The following COL20A1 variants were observed in gnomAD, a reference collection of about 807,000 sequenced individuals.
COL20A1 encodes collagen alpha-1(XX) chain.
In COL20A1, 164 loss-of-function variants were observed where a neutral mutation model predicts 152.9. The ratio of observed to expected loss-of-function variants is 1.07; its 90% CI spans 0.94 to 1.22. The LOEUF is 1.22. COL20A1 is among the 50% of genes most tolerant of loss of function. The pLI is 0.00. For synonymous variants in COL20A1, 864 were observed against 756.0 expected (o/e 1.14, Z -2.34); for missense variants, 1,873 against 1,744.8 (o/e 1.07, Z -1.31).
rs2068126107 is a variant in COL20A1 at position 63,319,287 on chromosome 20, C to T, written c.2806+87C>T. On this transcript the variant is annotated intron_variant, in intron 22 of 35. Coordinates refer to ENST00000358894, the MANE Select transcript of COL20A1 (RefSeq NM_020882.4). The surrounding 1 kb of genome is among the most constrained non-coding windows in gnomAD (Gnocchi z 4.4). Reference sequence around the variant, plus strand: ...GCCCTGGGAGGCCTTCAGAGGAAGTCCAGCCTCCAGGCCAGGCCCTCAGCA... The same window carrying T: ...GCCCTGGGAGGCCTTCAGAGGAAGTTCAGCCTCCAGGCCAGGCCCTCAGCA... The T allele has an allele frequency of 1.3e-5, 18 of 1,410,118 alleles. No individual in the cohort carries two copies. Among genetic ancestry groups the T allele is most frequent in the Non-Finnish European group, 1.6e-5 (17 of 1,037,172 alleles). 87.4% of individuals were successfully genotyped at this position (1,410,118 alleles called of 1,614,324 possible). A position where few individuals can be genotyped will look rare whatever the true frequency, so the allele number is the denominator to read the frequency against.
chr20:63,327,026 G>A (rs999342173), intron 31 of COL20A1, among the ~76,000 whole-genome samples: 14 of 151,986 alleles, frequency 9.2e-5, no homozygotes, highest in Admixed American at 6.5e-4. Flanking sequence ...GACCCCCCTA[G>A]GGACTTCCTG....
At chr20:63,302,226 C>T (rs956346891) in intron 3 of COL20A1, among the ~76,000 whole-genome samples, 1 of 152,124 alleles carries the variant, frequency 6.6e-6, no homozygotes, top group Non-Finnish European at 1.5e-5. Flanking sequence ...CAATCATAAC[C>T]CCAATACCAT....
intron 27 of COL20A1, among the ~76,000 whole-genome samples, chr20:63,323,358 C>T (rs889788365): frequency 1.3e-5 from 2 of 152,216 alleles, no homozygotes; most frequent in Non-Finnish European, 2.9e-5. Context: ...ATAACTTTTA[C>T]GTAGTCCATG....
In COL20A1 at chr20:63,308,406, C is replaced by G. The variant is rs569799087; in HGVS notation, c.776-136C>G. 4.4e-6 allele frequency: 4 copies of G among 903,638 alleles called. No homozygotes were observed. In the South Asian group the frequency reaches 5.3e-5, roughly 12 times the overall value. 56.0% of individuals were successfully genotyped at this position (903,638 alleles called of 1,614,324 possible). On this transcript the variant is annotated intron_variant, in intron 7 of 35. Coordinates refer to ENST00000358894, the MANE Select transcript of COL20A1 (RefSeq NM_020882.4). The stretch of plus-strand genomic sequence containing the variant: ...CTTCAACAGGTAGACCCTCCCTGCT[C>G]CCTTGGGCTGCTGCGGGGCCTCCTG...
intron 10 of COL20A1, 142 bp downstream of exon 10, chr20:63,310,057 G>T: frequency 1.2e-6 from 1 of 833,650 alleles, no homozygotes; most frequent in Non-Finnish European, 1.8e-6. Flanking sequence ...TGACAGCCCA[G>T]GGACTCACTG....
chr20:63,309,922 G>A lies in COL20A1; in HGVS notation c.1263+7G>A, dbSNP rs1246519282. The A allele has an allele frequency of 2.5e-6, 4 of 1,592,272 alleles. No homozygotes were observed. The African/African-American group carries it at 4.0e-5, about 16-fold the overall frequency. ...AGGTGGCACCCCCAGGGAGGTGAGGGGGCCGGTATACAGGGCTCCCCGAGC... is the reference window on the plus strand; with the variant it reads ...AGGTGGCACCCCCAGGGAGGTGAGGAGGCCGGTATACAGGGCTCCCCGAGC... On this transcript the variant is annotated splice_region_variant and intron_variant, in intron 10 of 35. Transcript: ENST00000358894.
At position 63,313,965 on chromosome 20, in the gene COL20A1, G is replaced by C; in HGVS notation, c.2358+74G>C. The C allele has an allele frequency of 6.3e-7, 1 of 1,592,624 alleles. No individual in the cohort carries two copies. Among genetic ancestry groups the C allele is most frequent in the South Asian group, 1.1e-5 (1 of 86,992 alleles). ...GAAGGGGTATGGCCACACTGTCTGC[G>C]AAGGGTGGCAGCTCTGCCATGGCGG... On this transcript the variant is annotated intron_variant, in intron 18 of 35. Transcript: ENST00000358894. The surrounding 1 kb of genome is among the most constrained non-coding windows in gnomAD (Gnocchi z 5.9).
At chr20:63,323,999 T>G (rs1434002508) in intron 27 of COL20A1, among the ~76,000 whole-genome samples, 1 of 152,240 alleles carries the variant, frequency 6.6e-6, no homozygotes, top group African/African-American at 2.4e-5. Flanking sequence ...CCATCCTGCC[T>G]TTTGTTCACA....
chr20:63,323,665 C>G (rs62206860), intron 27 of COL20A1, among the ~76,000 whole-genome samples: 5,624 of 152,278 alleles, frequency 0.037, 127 homozygotes, highest in Middle Eastern at 0.088. Context: ...CCTAAGGCCC[C>G]TGTGTATTTT....
At position 63,313,201 on chromosome 20, in the gene COL20A1, T is replaced by G. The variant is rs759674393; in HGVS notation, c.2161T>G (p.Tyr721Asp). The change falls in exon 17 of 36, where the codon TAC becomes GAC. Residue 721 changes from tyrosine to aspartate, a missense_variant. Tyr to Asp is a radical substitution (Grantham distance 160). Transcript: ENST00000358894. This position sits in a 1 kb window ranked among gnomAD's most constrained non-coding sequence, Gnocchi z 5.9. ...TEYDVTILAYYRDGARSDPVS... is the reference protein window; with the variant it reads ...TEYDVTILAYDRDGARSDPVS... ...GTACGACGTCACCATCTTGGCCTAC[T>G]ACAGGGACGGGGCCCGCAGTGACCC... The G allele has an allele frequency of 8.7e-6, 14 of 1,612,558 alleles. No individual in the cohort carries two copies. Among genetic ancestry groups the G allele is most frequent in the Non-Finnish European group, 1.2e-5 (14 of 1,179,720 alleles).
At chr20:63,325,829 C>T in intron 29 of COL20A1, 108 bp downstream of exon 29, 1 of 1,018,718 alleles carries the variant, frequency 9.8e-7, no homozygotes, top group Non-Finnish European at 1.5e-6. Context: ...GGTGCTTTCT[C>T]CTGGGCTCCT....
chr20:63,324,814 C>G (rs562942400), intron 27 of COL20A1: 1 of 160,272 alleles, frequency 6.2e-6, no homozygotes, highest in South Asian at 1.6e-4. Flanking sequence ...TAAATAGCAG[C>G]AGTGTCCTCT....
intron 3 of COL20A1, among the ~76,000 whole-genome samples, chr20:63,299,912 A>G (rs1251660885): frequency 6.6e-6 from 1 of 151,354 alleles, no homozygotes; most frequent in African/African-American, 2.4e-5. Context: ...GTGTATATAT[A>G]TATGTATACC....
intron 3 of COL20A1, among the ~76,000 whole-genome samples, chr20:63,298,241 C>T (rs1002438542): frequency 1.3e-5 from 2 of 152,242 alleles, no homozygotes; most frequent in Non-Finnish European, 2.9e-5. Flanking sequence ...CACGCAGCCC[C>T]TGCAGAAGGC....
Position 63,310,529 on chromosome 20 carries a change from G to T in COL20A1, c.1393+19G>T, listed in dbSNP as rs368860976. ...ACCACAGGTAGGTGGGGCAGAGGCA[G>T]CGGCCAGGTTCTGGGTGGGAGGCCC... On this transcript the variant is annotated intron_variant, in intron 11 of 35. Transcript: ENST00000358894. 7 of 1,569,892 alleles carry T rather than the reference G, an allele frequency of 4.5e-6. No homozygotes were observed. In the Admixed American group the frequency reaches 5.5e-5, roughly 12 times the overall value.
At chr20:63,325,004 G>T in intron 27 of COL20A1, 1 of 304,264 alleles carries the variant, frequency 3.3e-6, no homozygotes, top group Non-Finnish European at 6.4e-6. Flanking sequence ...GGAGGGCTGG[G>T]GGTGAGGTTG....
Position 63,311,609 on chromosome 20 carries a change from C to T in COL20A1, c.1540-16C>T, listed in dbSNP as rs374877246. 8 of 1,610,296 alleles carry T rather than the reference C, an allele frequency of 5.0e-6. No individual in the cohort carries two copies. The highest frequency in any genetic ancestry group is 4.5e-5 in the East Asian group (2 of 44,842). ...AGAGCGAGTGGGGGCTGGCCTGGGA[C>T]GTCATGTCTCTGCAGGTGCAGGTCG... On this transcript the variant is annotated splice_polypyrimidine_tract_variant and intron_variant, in intron 12 of 35. Transcript: ENST00000358894. This position sits in a 1 kb window ranked among gnomAD's most constrained non-coding sequence, Gnocchi z 4.4.
chr20:63,295,262 G>A, intron 2 of COL20A1, 73 bp downstream of exon 2: 3 of 980,270 alleles, frequency 3.1e-6, no homozygotes, highest in Non-Finnish European at 1.6e-6. Flanking sequence ...CGCGGGACGA[G>A]CCCTCCGCCC....
rs1185329920 is a variant in COL20A1 at position 63,332,171 on chromosome 20, C to G, written c.*1455C>G. On this transcript the variant is annotated 3_prime_UTR_variant, in exon 36 of 36. Coordinates refer to ENST00000358894, the MANE Select transcript of COL20A1 (RefSeq NM_020882.4). The stretch of plus-strand genomic sequence containing the variant: ...ACGTGGCATCGAGACAGATTTTGCA[C>G]TGAGGGACAAGGAGAGCATGTGGCC... 2 of 152,316 alleles carry G rather than the reference C, an allele frequency of 1.3e-5. No individual in the cohort carries two copies. Among genetic ancestry groups the G allele is most frequent in the African/African-American group, 4.8e-5 (2 of 41,452 alleles). 9.4% of individuals were successfully genotyped at this position (152,316 alleles called of 1,614,324 possible).
Sources: gnomAD v4.1 joint callset for allele counts (sites outside exome capture counted in the v4.1 genomes callset) on GRCh38, gnomAD v4.1.1 for gene constraint, Gnocchi (gnomAD v3.1) non-coding constraint, MANE v1.5 for transcripts, NCBI Gene and HGNC (gene_info 2026-07-23, HGNC 2026-07-21) for gene names.